ZMYM6: variants seen among roughly 807,000 people sequenced by gnomAD.
ZMYM6 encodes zinc finger MYM-type protein 6.
In ZMYM6, 90 loss-of-function variants were observed where a neutral mutation model predicts 134.0. That is an observed-to-expected ratio of 0.67 (90% CI 0.57 to 0.80). The LOEUF (loss-of-function observed/expected upper bound fraction) is 0.80, where lower values mean the gene tolerates loss of function less well. Among genes scored for constraint, ZMYM6 ranks in the 30% least tolerant of loss-of-function variants. The pLI, the probability that ZMYM6 is intolerant of heterozygous loss-of-function variation, is 0.00. For synonymous variants in ZMYM6, 481 were observed against 524.1 expected, an observed-to-expected ratio of 0.92 and a Z score of 1.12; for missense variants, 1,362 against 1,533.9, an observed-to-expected ratio of 0.89 and a Z score of 1.87.
intron 4 of ZMYM6, chr1:35,019,101 C>A: frequency 1.7e-6 from 1 of 584,266 alleles, no homozygotes. Flanking sequence ...CCTGCAATTC[C>A]CACATGTCAT....
chr1:35,002,705 G>T (rs1252891406), intron 14 of ZMYM6, among the ~76,000 whole-genome samples: 2 of 152,148 alleles, frequency 1.3e-5, no homozygotes, highest in Non-Finnish European at 2.9e-5. Flanking sequence ...AGATATCACA[G>T]CAGTGGTTTG....
At chr1:35,014,477 A>G (rs1641146318) in intron 6 of ZMYM6, among the ~76,000 whole-genome samples, 1 of 152,214 alleles carries the variant, frequency 6.6e-6, no homozygotes, top group Admixed American at 6.5e-5. Context: ...GTAAATTCTT[A>G]GCTATGAAGG....
chr1:34,992,861 A>C (rs1291626831), intron 14 of ZMYM6, among the ~76,000 whole-genome samples: 1 of 146,626 alleles, frequency 6.8e-6, no homozygotes, highest in East Asian at 1.9e-4. Context: ...TAAATATAAA[A>C]ATATATTTAT....
Position 34,987,106 on chromosome 1 carries a change from A to G in ZMYM6, c.3976T>C (p.Ter1326GlnextTer15). The G allele has an allele frequency of 6.5e-7, 1 of 1,547,348 alleles. No individual in the cohort carries two copies. The highest frequency in any genetic ancestry group is 8.7e-7 in the Non-Finnish European group (1 of 1,149,288). Residue 1326 changes from the stop codon to glutamine, a stop_lost, in exon 16 of 16, where the codon TAG becomes CAG. Coordinates refer to ENST00000357182, the MANE Select transcript of ZMYM6 (RefSeq NM_007167.4). ...RIEKLVKEKE[*>Q] ...ACTGTTAAGCAATGTGCATATTGCTACTCTTTCTCCTTCACTAATTTTTCT... is the reference window on the plus strand; with the variant it reads ...ACTGTTAAGCAATGTGCATATTGCTGCTCTTTCTCCTTCACTAATTTTTCT...
intron 8 of ZMYM6, 27 bp downstream of exon 8, chr1:35,011,863 T>C (rs766267351): frequency 3.4e-6 from 5 of 1,475,526 alleles, no homozygotes; most frequent in Non-Finnish European, 3.7e-6. Context: ...CAGAACCACA[T>C]GCATAATGTG....
chr1:35,031,686 T>A (rs1193632342), intron 1 of ZMYM6, 129 bp downstream of exon 1: 2 of 151,830 alleles, frequency 1.3e-5, no homozygotes, highest in African/African-American at 2.4e-5. Flanking sequence ...TGTCAACGCG[T>A]CCCTAAGGCG....
chr1:35,002,679 C>T (rs1207520368), intron 14 of ZMYM6, among the ~76,000 whole-genome samples: 1 of 152,156 alleles, frequency 6.6e-6, no homozygotes, highest in Non-Finnish European at 1.5e-5. Context: ...GTACACTCTC[C>T]TAAATTAATA....
intron 14 of ZMYM6, among the ~76,000 whole-genome samples, chr1:35,002,044 G>C (rs907432954): frequency 2.0e-5 from 3 of 152,148 alleles, no homozygotes; most frequent in African/African-American, 7.2e-5. Context: ...AGTAATTGCT[G>C]CTAAAATATG....
At chr1:35,015,740 A>AT (rs1441517532) in intron 4 of ZMYM6, among the ~76,000 whole-genome samples, 2 of 134,286 alleles carry the variant, frequency 1.5e-5, no homozygotes, top group African/African-American at 3.4e-5. Flanking sequence ...AAAAAAAAAA[A>AT]AAAATATATA....
At chr1:34,994,800 C>A (rs1640746015) in intron 14 of ZMYM6, among the ~76,000 whole-genome samples, 1 of 151,604 alleles carries the variant, frequency 6.6e-6, no homozygotes, top group South Asian at 2.1e-4. Flanking sequence ...AACCACTGTT[C>A]CCAGTTTCTT....
chr1:34,993,137 A>T (rs910935091), intron 14 of ZMYM6, among the ~76,000 whole-genome samples: 1 of 148,072 alleles, frequency 6.8e-6, no homozygotes, highest in East Asian at 2.0e-4. Context: ...TTTGAGACGG[A>T]GTCTCACTCT....
At chr1:34,990,760 GA>G (rs1224537474) in intron 15 of ZMYM6, among the ~76,000 whole-genome samples, 1 of 151,876 alleles carries the variant, frequency 6.6e-6, no homozygotes, top group African/African-American at 2.4e-5. Flanking sequence ...ATAAAAATTG[GA>G]AAAAAATAAT....
At chr1:35,009,062 G>T in intron 10 of ZMYM6, 138 bp from the exon 11 acceptor site, 1 of 841,254 alleles carries the variant, frequency 1.2e-6, no homozygotes, top group Non-Finnish European at 1.8e-6. Context: ...TTACAGGACA[G>T]TCTCTATATT....
chr1:35,026,102 C>A (rs1021151019), intron 2 of ZMYM6, among the ~76,000 whole-genome samples: 2 of 152,068 alleles, frequency 1.3e-5, no homozygotes, highest in Non-Finnish European at 2.9e-5. Flanking sequence ...TTCACTGCAA[C>A]CTCCGCCTCC....
intron 8 of ZMYM6, 88 bp from the exon 9 acceptor site, chr1:35,011,124 G>A: frequency 7.3e-7 from 1 of 1,368,230 alleles, no homozygotes; most frequent in South Asian, 1.4e-5. Flanking sequence ...AATAAATCAA[G>A]TCTCCCACAA....
rs780193833 is a variant in ZMYM6 at position 34,988,156 on chromosome 1, C to A, written c.2926G>T (p.Val976Phe). 2.8e-5 allele frequency: 44 copies of A among 1,550,734 alleles called. No individual in the cohort carries two copies. Among genetic ancestry groups the A allele is most frequent in the Non-Finnish European group, 3.7e-5 (43 of 1,146,700 alleles). Residue 976 changes from valine to phenylalanine, a missense_variant, in exon 16 of 16, where the codon GTT becomes TTT. By Grantham distance (50) the Val-to-Phe change is conservative. Coordinates refer to ENST00000357182, the MANE Select transcript of ZMYM6 (RefSeq NM_007167.4). ...DSKSLNWKHC[V>F]GLCTDGAASM... ...GCAGCCCCATCGGTACAGAGACCAA[C>A]ACAATGTTTCCAATTCAGAGATTTA...
At chr1:34,989,602 A>T (rs1198773486) in intron 15 of ZMYM6, 1 of 152,000 alleles carries the variant, frequency 6.6e-6, no homozygotes, top group African/African-American at 2.4e-5. Flanking sequence ...AAATTTTTTT[A>T]AAGAAAAAGA....
chr1:35,018,450 T>TTAAC (rs1641245135), intron 4 of ZMYM6: 1 of 152,044 alleles, frequency 6.6e-6, no homozygotes, highest in African/African-American at 2.4e-5. Flanking sequence ...ACAAGTGATA[T>TTAAC]GTTAAGTATA....
At chr1:35,009,841 T>A (rs1641052120) in intron 10 of ZMYM6, among the ~76,000 whole-genome samples, 1 of 151,896 alleles carries the variant, frequency 6.6e-6, no homozygotes, top group Non-Finnish European at 1.5e-5. Flanking sequence ...GAGGCTGAAG[T>A]GGGAGGATCC....
Sources: allele counts gnomAD v4.1 joint callset (sites outside exome capture counted in the v4.1 genomes callset), GRCh38; gene constraint gnomAD v4.1.1; transcripts MANE v1.5; gene names NCBI Gene and HGNC (gene_info 2026-07-23, HGNC 2026-07-21).